ATG4C: variants seen among roughly 807,000 people sequenced by gnomAD.
ATG4C encodes autophagy related 4C cysteine peptidase.
Under a neutral mutation model 57.6 loss-of-function variants are expected in ATG4C, and 56 were observed. The ratio of observed to expected loss-of-function variants is 0.97; its 90% CI spans 0.78 to 1.21. The LOEUF is 1.21. Ranked by LOEUF, ATG4C falls within the 50% of genes most tolerant of loss-of-function variation. The pLI is 0.00. For synonymous variants in ATG4C, 157 were observed against 174.1 expected (o/e 0.90, Z 0.78); for missense variants, 595 against 529.8 (o/e 1.12, Z -1.21).
At chr1:62,824,012 A>G (rs1051573092) in intron 6 of ATG4C, among the ~76,000 whole-genome samples, 2 of 152,086 alleles carry the variant, frequency 1.3e-5, no homozygotes, top group Non-Finnish European at 2.9e-5. Context: ...TTTGTTTCTT[A>G]TATATAATAT....
At chr1:62,784,711 C>T (rs1051140635) in intron 1 of ATG4C, among the ~76,000 whole-genome samples, 8 of 152,140 alleles carry the variant, frequency 5.3e-5, no homozygotes, top group Non-Finnish European at 1.0e-4. Context: ...GCCTCTTTCT[C>T]CCTTTTTGGT....
At chr1:62,830,785 T>C (rs898164964) in intron 7 of ATG4C, among the ~76,000 whole-genome samples, 1 of 152,158 alleles carries the variant, frequency 6.6e-6, no homozygotes, top group African/African-American at 2.4e-5. Context: ...TTTCTTTTTG[T>C]AGTGAAATGA....
At chr1:62,804,998 C>T (rs908997396) in intron 2 of ATG4C, among the ~76,000 whole-genome samples, 174 bp from the exon 3 acceptor site, 1 of 152,038 alleles carries the variant, frequency 6.6e-6, no homozygotes, top group Non-Finnish European at 1.5e-5. Flanking sequence ...GCATAAATTG[C>T]CTTTATTTCC....
chr1:62,793,589 C>A (rs1664358262), intron 1 of ATG4C, among the ~76,000 whole-genome samples: 1 of 98,188 alleles, frequency 1.0e-5, no homozygotes, highest in African/African-American at 4.0e-5. Flanking sequence ...AGAGTAAGAC[C>A]TTGTCTCGAA....
At chr1:62,790,229 T>A (rs1194319706) in intron 1 of ATG4C, among the ~76,000 whole-genome samples, 1 of 152,210 alleles carries the variant, frequency 6.6e-6, no homozygotes, top group Non-Finnish European at 1.5e-5. Context: ...ATACATTTTT[T>A]AAGAAATCAT....
chr1:62,809,456 CAT>C (rs1664995256), intron 3 of ATG4C, among the ~76,000 whole-genome samples: 1 of 146,178 alleles, frequency 6.8e-6, no homozygotes, highest in Admixed American at 6.9e-5. Context: ...TATATGTACA[CAT>C]GTATATATAA....
At chr1:62,799,449 A>G (rs372791802) in intron 1 of ATG4C, among the ~76,000 whole-genome samples, 186 of 152,308 alleles carry the variant, frequency 1.2e-3, no homozygotes, top group African/African-American at 4.2e-3. Context: ...AGGCATTTCA[A>G]TTGTTTCAAG....
chr1:62,864,036 T>C lies in ATG4C; in HGVS notation c.1254T>C (p.Phe418=). Residue 418 remains phenylalanine, a synonymous_variant, in exon 11 of 11, where the codon TTT becomes TTC. Transcript: ENST00000317868. The part of the protein sequence containing the change: ...SSKEKYPLFT[F]VNGHSRDYDF... ...AGGAGAAATATCCCTTATTTACTTT[T>C]GTAAATGGTCATTCCAGAGACTATG... 1 of 1,587,112 alleles carries C rather than the reference T, an allele frequency of 6.3e-7. No homozygotes were observed. Among genetic ancestry groups the C allele is most frequent in the Non-Finnish European group, 8.5e-7 (1 of 1,170,432 alleles).
intron 10 of ATG4C, among the ~76,000 whole-genome samples, chr1:62,861,634 C>G (rs867543164): frequency 2.0e-5 from 3 of 148,330 alleles, no homozygotes; most frequent in Admixed American, 6.8e-5. Context: ...CACAGAGAGA[C>G]ACAAACACAT....
At chr1:62,845,438 A>G (rs1390997554) in intron 10 of ATG4C, among the ~76,000 whole-genome samples, 1 of 151,862 alleles carries the variant, frequency 6.6e-6, no homozygotes, top group Non-Finnish European at 1.5e-5. Context: ...TTATAGGGCT[A>G]TTTGATATGA....
At chr1:62,860,353 C>G (rs1184498158) in intron 10 of ATG4C, among the ~76,000 whole-genome samples, 1 of 152,118 alleles carries the variant, frequency 6.6e-6, no homozygotes, top group Non-Finnish European at 1.5e-5. Flanking sequence ...AATACTTAAA[C>G]CACTAAGTCA....
rs200941985 is a variant in ATG4C at position 62,827,810 on chromosome 1, A to C, written c.797-1230A>C. ...TTTTTTCTGCTCCTCTCTCTCCTCC[A>C]CCCTCCATCCTCAAGTAGACCCGAG... On this transcript the variant is annotated intron_variant, in intron 6 of 10. Coordinates refer to ENST00000317868, the MANE Select transcript of ATG4C (RefSeq NM_032852.4). 3.5e-3 allele frequency among the ~76,000 whole-genome samples: 502 copies of C among 144,028 alleles called. 1 individual carries two copies. The highest frequency in any genetic ancestry group is 0.012 in the African/African-American group (476 of 39,214). 94.5% of individuals were successfully genotyped at this position (144,028 alleles called of 152,430 possible).
chr1:62,795,292 T>C (rs1352666402), intron 1 of ATG4C, among the ~76,000 whole-genome samples: 1 of 152,196 alleles, frequency 6.6e-6, no homozygotes, highest in Non-Finnish European at 1.5e-5. Flanking sequence ...TGAGTACTCT[T>C]TACATTTATC....
rs757550339 is a variant in ATG4C at position 62,864,091 on chromosome 1, G to T, written c.1309G>T (p.Asp437Tyr). 5 of 1,607,760 alleles carry T rather than the reference G, an allele frequency of 3.1e-6. No individual in the cohort carries two copies. The highest frequency in any genetic ancestry group is 3.4e-6 in the Non-Finnish European group (4 of 1,177,514). Residue 437 changes from aspartate (D) to tyrosine (Y), a missense_variant, in exon 11 of 11, where the codon GAC (aspartate) becomes TAC (tyrosine). Physicochemically the swap from Asp to Tyr is radical, Grantham distance 160. Coordinates refer to ENST00000317868, the MANE Select transcript of ATG4C (RefSeq NM_032852.4). ...TACATCTACTACAACCAATGAAGAA[G>T]ACCTTTTTTCAGAGGATGAAAAGAA... Reference protein sequence around the residue: ...DFTSTTTNEEDLFSEDEKKQL... With the variant: ...DFTSTTTNEEYLFSEDEKKQL...
At chr1:62,796,266 C>G (rs1190061371) in intron 1 of ATG4C, among the ~76,000 whole-genome samples, 1 of 105,690 alleles carries the variant, frequency 9.5e-6, no homozygotes, top group Admixed American at 1.1e-4. Flanking sequence ...GTTTGTCTTG[C>G]TTTCCTTGGC....
chr1:62,814,343 G>A (rs1424480053), intron 3 of ATG4C, among the ~76,000 whole-genome samples: 2 of 152,120 alleles, frequency 1.3e-5, no homozygotes, highest in Non-Finnish European at 2.9e-5. Context: ...ACTAACACAG[G>A]AACAGAAAAC....
At chr1:62,826,595 CT>C (rs1470705188) in intron 6 of ATG4C, among the ~76,000 whole-genome samples, 1 of 141,366 alleles carries the variant, frequency 7.1e-6, no homozygotes, top group Non-Finnish European at 1.5e-5. Context: ...CTCTTTTTTT[CT>C]TTCTTTTTTT....
At chr1:62,815,260 G>A (rs1665229902) in intron 3 of ATG4C, among the ~76,000 whole-genome samples, 1 of 148,296 alleles carries the variant, frequency 6.7e-6, no homozygotes, top group Non-Finnish European at 1.5e-5. Context: ...TATCTCTTTT[G>A]TTGTCTTATT....
chr1:62,831,202 G>A lies in ATG4C; in HGVS notation c.933+2026G>A, dbSNP rs1209718081. ...AAAATGGCTGAAATGGTTAAGTGGA[G>A]TAGGTTATATGATAGGTATTATGTT... On this transcript the variant is annotated intron_variant, in intron 7 of 10. Transcript: ENST00000317868. Among the ~76,000 whole-genome samples, 5 of 152,266 alleles carry A rather than the reference G, an allele frequency of 3.3e-5. No homozygotes were observed. The South Asian group carries it at 6.2e-4, about 19-fold the overall frequency.
Sources: allele counts gnomAD v4.1 joint callset (sites outside exome capture counted in the v4.1 genomes callset), GRCh38; gene constraint gnomAD v4.1.1; transcripts MANE v1.5; gene names NCBI Gene and HGNC (gene_info 2026-07-23, HGNC 2026-07-21).